The following CACNA1E variants were observed in gnomAD, a reference collection of about 807,000 sequenced individuals.
The protein encoded by CACNA1E is calcium voltage-gated channel subunit alpha1 E, also known as voltage-dependent R-type calcium channel subunit alpha-1E.
Under a neutral mutation model 259.2 loss-of-function variants are expected in CACNA1E, and 40 were observed. That is an observed-to-expected ratio of 0.15 (90% CI 0.12 to 0.20). The LOEUF (loss-of-function observed/expected upper bound fraction) is 0.20, where lower values mean the gene tolerates loss of function less well. CACNA1E is among the 10% of genes least tolerant of loss of function. CACNA1E has a pLI of 1.00. For synonymous variants in CACNA1E, 1,104 were observed against 1,138.5 expected (o/e 0.97, Z 0.61); for missense variants, 1,874 against 3,040.1 (o/e 0.62, Z 9.02).
intron 2 of CACNA1E, among the ~76,000 whole-genome samples, chr1:181,436,052 G>T (rs1300038737): frequency 6.6e-6 from 1 of 152,208 alleles, no homozygotes; most frequent in Admixed American, 6.5e-5. Flanking sequence ...TAAAAAATGG[G>T]CAGGGGACCT....
At chr1:181,502,134 G>A (rs1558060905) in intron 1 of CACNA1E, among the ~76,000 whole-genome samples, 1 of 152,070 alleles carries the variant, frequency 6.6e-6, no homozygotes, top group African/African-American at 2.4e-5. Flanking sequence ...CAGGTTTGCA[G>A]CCAGAGTTGT....
chr1:181,794,946 T>A lies in CACNA1E; in HGVS notation c.6110T>A (p.Phe2037Tyr). 3 of 1,613,910 alleles carry A rather than the reference T, an allele frequency of 1.9e-6. No individual in the cohort carries two copies. The highest frequency in any genetic ancestry group is 1.7e-6 in the Non-Finnish European group (2 of 1,179,832). Residue 2037 changes from phenylalanine (F) to tyrosine (Y), a missense_variant, in exon 46 of 48, where the codon TTC (phenylalanine) becomes TAC (tyrosine). Phe to Tyr is a conservative substitution (Grantham distance 22, BLOSUM62 3). This residue lies in a region of CACNA1E where 542 missense variants were observed against 587.2 expected (regional missense o/e 0.92). Transcript: ENST00000367573. ...KRSNSSWLEE[F>Y]SMERSSENTY... ...TCAAATTCCTCGTGGTTGGAGGAAT[T>A]CTCCATGGAGCGAAGCAGTGAAAAT... is the stretch of plus-strand genomic sequence containing the variant.
intron 6 of CACNA1E, among the ~76,000 whole-genome samples, chr1:181,637,959 T>C (rs1419827456): frequency 6.6e-6 from 1 of 152,214 alleles, no homozygotes; most frequent in Non-Finnish European, 1.5e-5. Context: ...TGACTTGGTA[T>C]ACAGGTAGGC....
At chr1:181,714,145 T>C (rs1194748751) in intron 8 of CACNA1E, among the ~76,000 whole-genome samples, 1 of 152,056 alleles carries the variant, frequency 6.6e-6, no homozygotes, top group Non-Finnish European at 1.5e-5. Flanking sequence ...CAGCCAAAAG[T>C]GGGATCTCCA....
chr1:181,320,754 G>A (rs1353778432), intron 1 of CACNA1E, among the ~76,000 whole-genome samples: 1 of 152,142 alleles, frequency 6.6e-6, no homozygotes, highest in Non-Finnish European at 1.5e-5. Flanking sequence ...GTTCCAGAGT[G>A]GGGTAGATTG....
At chr1:181,715,241 C>G (rs1202847264) in intron 8 of CACNA1E, 97 bp from the exon 9 acceptor site, 1 of 735,142 alleles carries the variant, frequency 1.4e-6, no homozygotes, top group Non-Finnish European at 2.4e-6. Flanking sequence ...TGCTCTCTCT[C>G]TGTTGCCCTG....
chr1:181,534,109 A>G (rs1034010083), intron 3 of CACNA1E, among the ~76,000 whole-genome samples: 3 of 152,136 alleles, frequency 2.0e-5, no homozygotes, highest in Non-Finnish European at 4.4e-5. Flanking sequence ...ACAGTAATAG[A>G]AGGCTGTCTT....
At chr1:181,328,716 C>G (rs1336252252) in intron 1 of CACNA1E, among the ~76,000 whole-genome samples, 1 of 152,030 alleles carries the variant, frequency 6.6e-6, no homozygotes, top group African/African-American at 2.4e-5. Flanking sequence ...AGCCATCAGA[C>G]CACCATGCAA....
chr1:181,556,039 T>G (rs1326787631), intron 3 of CACNA1E, among the ~76,000 whole-genome samples: 1 of 152,256 alleles, frequency 6.6e-6, no homozygotes, highest in East Asian at 1.9e-4. Flanking sequence ...ATGAGCCTAG[T>G]TCTCTAGCTA....
At chr1:181,731,119 G>C (rs1371742045) in intron 18 of CACNA1E, 56 bp from the exon 19 acceptor site, 1 of 1,405,136 alleles carries the variant, frequency 7.1e-7, no homozygotes, top group Admixed American at 1.7e-5. Context: ...GTGGCTGTGG[G>C]GCTTGAGGTT....
At chr1:181,478,606 T>C (rs767573428), upstream of CACNA1E, among the ~76,000 whole-genome samples, 10 of 152,102 alleles carry the variant, frequency 6.6e-5, no homozygotes, top group Non-Finnish European at 1.3e-4. Flanking sequence ...GGGGCTCTGA[T>C]AACTTAAGCA....
chr1:181,426,750 C>CAACTCAACCCCT (rs1491304432), intron 2 of CACNA1E, among the ~76,000 whole-genome samples: 1 of 135,356 alleles, frequency 7.4e-6, no homozygotes. Context: ...AGCCCCTTCC[C>CAACTCAACCCCT]GTCTCAACCC....
At chr1:181,789,492 T>C (rs1438910279) in intron 43 of CACNA1E, among the ~76,000 whole-genome samples, 1 of 152,042 alleles carries the variant, frequency 6.6e-6, no homozygotes, top group Non-Finnish European at 1.5e-5. Context: ...GTCCCATCTC[T>C]CCCTCCTAAC....
chr1:181,784,155 G>A (rs1040454799), intron 40 of CACNA1E, among the ~76,000 whole-genome samples: 1 of 152,188 alleles, frequency 6.6e-6, no homozygotes, highest in Non-Finnish European at 1.5e-5. Flanking sequence ...AGAGGCCATG[G>A]TAGTGTTTTA....
At chr1:181,574,413 A>C (rs929121579) in intron 3 of CACNA1E, among the ~76,000 whole-genome samples, 9 of 152,170 alleles carry the variant, frequency 5.9e-5, no homozygotes, top group Non-Finnish European at 8.8e-5. Flanking sequence ...TTGCTACCCT[A>C]TTCTCAGTAA....
Position 181,510,516 on chromosome 1 carries a change from C to T in CACNA1E, c.306C>T (p.Asn102=). ...EYMILATIIA[N]CIVLALEQHL... ...TGATCCTGGCCACCATCATTGCCAACTGCATCGTCCTGGCCCTGGAGCAGC... is the reference window on the plus strand; with the variant it reads ...TGATCCTGGCCACCATCATTGCCAATTGCATCGTCCTGGCCCTGGAGCAGC... The change falls in exon 2 of 48, where the codon AAC becomes AAT. Residue 102 remains asparagine, a synonymous_variant. Coordinates refer to ENST00000367573, the MANE Select transcript of CACNA1E (RefSeq NM_001205293.3). The T allele has an allele frequency of 6.2e-7, 1 of 1,613,980 alleles. No homozygotes were observed. The highest frequency in any genetic ancestry group is 1.7e-5 in the Admixed American group (1 of 60,034).
At chr1:181,677,728 T>C (rs909215649) in intron 7 of CACNA1E, among the ~76,000 whole-genome samples, 4 of 152,204 alleles carry the variant, frequency 2.6e-5, no homozygotes, top group Admixed American at 1.3e-4. Flanking sequence ...GTTTCTATCA[T>C]GTAAGAGCAG....
intron 1 of CACNA1E, among the ~76,000 whole-genome samples, chr1:181,318,736 C>A (rs1036924727): frequency 6.6e-6 from 1 of 152,122 alleles, no homozygotes; most frequent in East Asian, 1.9e-4. Flanking sequence ...GGAGGCGACT[C>A]GGGACTGCTG....
intron 7 of CACNA1E, among the ~76,000 whole-genome samples, chr1:181,655,507 C>A (rs924398352): frequency 3.3e-5 from 5 of 152,108 alleles, no homozygotes; most frequent in African/African-American, 1.2e-4. Context: ...GAATTCTATA[C>A]CTAGCTCGAA....
Sources: gnomAD v4.1 joint callset for allele counts (sites outside exome capture counted in the v4.1 genomes callset) on GRCh38, gnomAD v4.1.1 for gene constraint, gnomAD v4.1.1 regional missense constraint, MANE v1.5 for transcripts, NCBI Gene and HGNC (gene_info 2026-07-23, HGNC 2026-07-21) for gene names.